The following ORMDL1 variants were observed in gnomAD, a reference collection of about 807,000 sequenced individuals.
ORMDL1 encodes ORMDL sphingolipid biosynthesis regulator 1.
A neutral mutation model predicts 13.0 loss-of-function variants in ORMDL1; 10 were observed. The ratio of observed to expected loss-of-function variants is 0.77; its 90% CI spans 0.47 to 1.30. ORMDL1 has a LOEUF of 1.30. ORMDL1 is among the 50% of genes most tolerant of loss of function. The pLI is 0.00. For synonymous variants in ORMDL1, 61 were observed against 63.9 expected, an observed-to-expected ratio of 0.95 and a Z score of 0.22; for missense variants, 171 against 186.7, an observed-to-expected ratio of 0.92 and a Z score of 0.49.
chr2:189,781,510 G>C (rs115811026), intron 3 of ORMDL1, among the ~76,000 whole-genome samples: 274 of 152,176 alleles, frequency 1.8e-3, no homozygotes, highest in Non-Finnish European at 3.2e-3. Context: ...ACACAAGAGA[G>C]TAACAAGCAG....
chr2:189,772,314 T>C (rs903331434), intron 4 of ORMDL1, among the ~76,000 whole-genome samples: 2 of 152,230 alleles, frequency 1.3e-5, no homozygotes, highest in African/African-American at 4.8e-5. Context: ...GAACCTGTAC[T>C]GTAAAGCTCC....
At chr2:189,775,428 AT>A in intron 4 of ORMDL1, 136 bp downstream of exon 4, 2 of 941,888 alleles carry the variant, frequency 2.1e-6, no homozygotes, top group East Asian at 2.7e-5. Flanking sequence ...TTTTGTCTAT[AT>A]TTTATGTTCT....
chr2:189,782,513 A>G lies in ORMDL1; in HGVS notation c.83T>C (p.Leu28Ser). The change falls in exon 3 of 5, where the codon TTG (leucine) becomes TCG (serine). Residue 28 changes from leucine (L) to serine (S), a missense_variant. Leu to Ser is a moderately radical substitution (Grantham distance 145, BLOSUM62 -2). Transcript: ENST00000392349. Reference protein sequence around the residue: ...NSRGMWLTYALGVGLLHIVLL... With the variant: ...NSRGMWLTYASGVGLLHIVLL... ...GACAATATGAAGCAAGCCAACTCCC[A>G]ATGCATATGTCAGCCACATACCCCG... 6.2e-7 allele frequency: 1 copy of G among 1,614,194 alleles called. No individual in the cohort carries two copies.
intron 3 of ORMDL1, among the ~76,000 whole-genome samples, chr2:189,782,057 C>T (rs1007011490): frequency 2.6e-5 from 4 of 152,086 alleles, no homozygotes; most frequent in Non-Finnish European, 5.9e-5. Flanking sequence ...ATTCTCCTGC[C>T]TCAGCCTCCC....
At chr2:189,779,099 G>A (rs2047765100) in intron 3 of ORMDL1, among the ~76,000 whole-genome samples, 1 of 151,884 alleles carries the variant, frequency 6.6e-6, no homozygotes, top group Non-Finnish European at 1.5e-5. Context: ...GATCACTTGA[G>A]ACCAGGAGTT....
At chr2:189,765,929 C>A (rs377618618), downstream of ORMDL1, among the ~76,000 whole-genome samples, 50 of 146,840 alleles carry the variant, frequency 3.4e-4, no homozygotes, top group East Asian at 8.4e-3. Context: ...CGGGTTCAAG[C>A]GATTCTCCTG....
intron 4 of ORMDL1, among the ~76,000 whole-genome samples, chr2:189,774,398 G>C (rs2047648289): frequency 6.6e-6 from 1 of 152,142 alleles, no homozygotes; most frequent in South Asian, 2.1e-4. Flanking sequence ...TAAGGAAAAA[G>C]AACCCCATTA....
At chr2:189,775,534 C>A in intron 4 of ORMDL1, 31 bp downstream of exon 4, 1 of 1,544,876 alleles carries the variant, frequency 6.5e-7, no homozygotes, top group East Asian at 2.4e-5. Flanking sequence ...TTATCCAATC[C>A]TCCTCATACC....
chr2:189,782,635 T>TA, intron 2 of ORMDL1, 33 bp from the exon 3 acceptor site: 1 of 1,585,020 alleles, frequency 6.3e-7, no homozygotes, highest in South Asian at 1.1e-5. Context: ...TCAACACTGA[T>TA]ACAACTGGCA....
intron 3 of ORMDL1, among the ~76,000 whole-genome samples, chr2:189,781,094 T>C (rs929118763): frequency 1.3e-5 from 2 of 152,120 alleles, no homozygotes; most frequent in Non-Finnish European, 2.9e-5. Flanking sequence ...TTTTGTATTT[T>C]TTGTAGAGAC....
At position 189,771,827 on chromosome 2, in the gene ORMDL1, T is replaced by A. The variant is rs553741875; in HGVS notation, c.402A>T (p.Val134=). The A allele has an allele frequency of 1.9e-6, 3 of 1,611,734 alleles. No homozygotes were observed. In the South Asian group the frequency reaches 3.3e-5, roughly 18 times the overall value. Reference sequence around the variant, plus strand: ...GTAGTTGTGGCATTTTGGGAATTAGTACACTCAGGAGAGAAGCTGTGTTTA... The same window carrying A: ...GTAGTTGTGGCATTTTGGGAATTAGAACACTCAGGAGAGAAGCTGTGTTTA... The part of the protein sequence containing the change: ...FILNTASLLS[V]LIPKMPQLHG... The change falls in exon 5 of 5, where the codon GTA becomes GTT. Residue 134 remains valine, a synonymous_variant. Coordinates refer to ENST00000392349, the MANE Select transcript of ORMDL1 (RefSeq NM_016467.5).
chr2:189,771,613 G>T lies in ORMDL1; in HGVS notation c.*154C>A. The T allele has an allele frequency of 1.7e-6, 1 of 589,324 alleles. No homozygotes were observed. The highest frequency in any genetic ancestry group is 2.8e-6 in the Non-Finnish European group (1 of 361,128). The allele number at this position is 589,324 out of a possible 1,614,324, so 36.5% of individuals were successfully genotyped here. On this transcript the variant is annotated 3_prime_UTR_variant, in exon 5 of 5. Transcript: ENST00000392349. ...CAGAGGCATCATTTAATGGAAATCT[G>T]CACTTCAAAACAGCACTTGAAGGAC... is the stretch of plus-strand genomic sequence containing the variant.
At chr2:189,780,322 CT>C (rs1553548327) in intron 3 of ORMDL1, among the ~76,000 whole-genome samples, 1 of 152,120 alleles carries the variant, frequency 6.6e-6, no homozygotes, top group Non-Finnish European at 1.5e-5. Flanking sequence ...TTTTGGGTTT[CT>C]GATTAGGGAT....
At position 189,782,520 on chromosome 2, in the gene ORMDL1, A is replaced by T. The variant is rs753943573; in HGVS notation, c.76T>A (p.Tyr26Asn). Reference protein sequence around the residue: ...VMNSRGMWLTYALGVGLLHIV... With the variant: ...VMNSRGMWLTNALGVGLLHIV... The stretch of plus-strand genomic sequence containing the variant: ...TGAAGCAAGCCAACTCCCAATGCAT[A>T]TGTCAGCCACATACCCCGGCTGTTC... Residue 26 changes from tyrosine (Y) to asparagine (N), a missense_variant, in exon 3 of 5, where the codon TAT (tyrosine) becomes AAT (asparagine). Transcript: ENST00000392349. 1.5e-5 allele frequency: 24 copies of T among 1,614,164 alleles called. No homozygotes were observed. The highest frequency in any genetic ancestry group is 2.0e-5 in the Non-Finnish European group (24 of 1,180,024).
chr2:189,779,384 G>A (rs2047770814), intron 3 of ORMDL1, among the ~76,000 whole-genome samples: 1 of 152,192 alleles, frequency 6.6e-6, no homozygotes, highest in African/African-American at 2.4e-5. Flanking sequence ...GGAAGCTAAG[G>A]TGGGAGGAGC....
At chr2:189,778,073 A>G in intron 3 of ORMDL1, 1 of 411,590 alleles carries the variant, frequency 2.4e-6, no homozygotes, top group South Asian at 1.8e-5. Context: ...GTCCATGGTC[A>G]ACCAACTTGA....
downstream of ORMDL1, among the ~76,000 whole-genome samples, chr2:189,767,681 C>CTGTG (rs1013434925): frequency 6.6e-6 from 1 of 152,148 alleles, no homozygotes; most frequent in African/African-American, 2.4e-5. Context: ...TGAACGGACA[C>CTGTG]TGTGATAAAC....
chr2:189,765,984 G>A (rs557836037), downstream of ORMDL1, among the ~76,000 whole-genome samples: 227 of 151,386 alleles, frequency 1.5e-3, no homozygotes, highest in African/African-American at 5.1e-3. Context: ...ACGCCACCAC[G>A]CCCAGCTAAT....
At chr2:189,772,059 C>G (rs1414485808) in intron 4 of ORMDL1, among the ~76,000 whole-genome samples, 157 bp from the exon 5 acceptor site, 2 of 152,068 alleles carry the variant, frequency 1.3e-5, no homozygotes, top group Admixed American at 6.5e-5. Context: ...GGTTTGGTCC[C>G]AAGTTTATCT....
Sources: allele counts gnomAD v4.1 joint callset (sites outside exome capture counted in the v4.1 genomes callset), GRCh38; gene constraint gnomAD v4.1.1; transcripts MANE v1.5; gene names NCBI Gene and HGNC (gene_info 2026-07-23, HGNC 2026-07-21).